ROBO2: variants seen among roughly 807,000 people sequenced by gnomAD.
ROBO2 encodes roundabout guidance receptor 2.
A neutral mutation model predicts 160.8 loss-of-function variants in ROBO2; 53 were observed. The ratio of observed to expected loss-of-function variants is 0.33; its 90% CI spans 0.26 to 0.41. ROBO2 has a LOEUF of 0.41. ROBO2 is among the 10% of genes least tolerant of loss of function. ROBO2 has a pLI of 1.00. For missense variants in ROBO2, 1,577 were observed against 1,722.4 expected, an observed-to-expected ratio of 0.92 and a Z score of 1.49; for synonymous variants, 664 against 611.7, an observed-to-expected ratio of 1.09 and a Z score of -1.26.
chr3:76,291,736 A>G (rs950718293), intron 2 of ROBO2, among the ~76,000 whole-genome samples: 1 of 152,122 alleles, frequency 6.6e-6, no homozygotes, highest in Non-Finnish European at 1.5e-5. Context: ...TTCATTAGTT[A>G]TAAAGAATTT....
rs549728430 is a variant in ROBO2, at chr3:77,027,907, AAAG to A, written c.110-70102_110-70100del. Among the ~76,000 whole-genome samples, 54 of 151,852 alleles carry A rather than the reference AAAG, an allele frequency of 3.6e-4. No individual in the cohort carries two copies. In the East Asian group the frequency reaches 8.7e-3, roughly 25 times the overall value. On this transcript the variant is annotated intron_variant, in intron 2 of 26. Transcript: ENST00000487694. ...AGTGAAGCGGGTAGAAAGAAATTAG[AAAG>A]AAGATTACTCAATAAAAGCTACAAA...
At chr3:76,000,778 T>G (rs1261725225) in intron 2 of ROBO2, among the ~76,000 whole-genome samples, 1 of 152,024 alleles carries the variant, frequency 6.6e-6, no homozygotes, top group Non-Finnish European at 1.5e-5. Context: ...TATTTCAGAT[T>G]TTACTCTAGT....
At chr3:77,343,081 AGAG>A (rs1162519766) in intron 2 of ROBO2, among the ~76,000 whole-genome samples, 4,451 of 135,474 alleles carry the variant, frequency 0.033, 245 homozygotes, top group African/African-American at 0.11. Context: ...AGAGAGAGAG[AGAG>A]AGAACTTTCT....
Position 76,105,711 on chromosome 3 carries a change from A to G in ROBO2, c.109+168109A>G. Among the ~76,000 whole-genome samples the G allele has an allele frequency of 1.3e-5, 2 of 152,070 alleles. 1 individual carries two copies. The highest frequency in any genetic ancestry group is 3.9e-4 in the East Asian group (2 of 5,176). On this transcript the variant is annotated intron_variant, in intron 2 of 26. Coordinates refer to the ROBO2 transcript ENST00000487694. ...ACCTACACGTTCATTAGAAGGAGAGAACACTTGCAGACCTTCCCATGGGGA... is the reference window on the plus strand; with the variant it reads ...ACCTACACGTTCATTAGAAGGAGAGGACACTTGCAGACCTTCCCATGGGGA...
intron 2 of ROBO2, among the ~76,000 whole-genome samples, chr3:77,291,389 A>C (rs1462277383): frequency 6.6e-6 from 1 of 151,942 alleles, no homozygotes; most frequent in Non-Finnish European, 1.5e-5. Context: ...ACATCACCCC[A>C]GACATAAAGT....
rs116669812 is a variant in ROBO2, at chr3:76,065,359, T to A, written c.109+127757T>A. Among the ~76,000 whole-genome samples the A allele has an allele frequency of 7.8e-3, 1,193 of 152,222 alleles. 18 individuals are homozygous for A. Among genetic ancestry groups the A allele is most frequent in the African/African-American group, 0.026 (1,070 of 41,568 alleles). ...GAACAATTTACAATCTCAAGGAAGATGACTACAAAGCAGCTTTTAAAAAAC... is the reference window on the plus strand; with the variant it reads ...GAACAATTTACAATCTCAAGGAAGAAGACTACAAAGCAGCTTTTAAAAAAC... On this transcript the variant is annotated intron_variant, in intron 2 of 26. Transcript: ENST00000487694.
chr3:76,197,954 C>A (rs563887944), intron 2 of ROBO2, among the ~76,000 whole-genome samples: 1 of 152,270 alleles, frequency 6.6e-6, no homozygotes, highest in Non-Finnish European at 1.5e-5. Flanking sequence ...TTCTGCCACT[C>A]CTTTTTGTAC....
intron 2 of ROBO2, among the ~76,000 whole-genome samples, chr3:76,358,347 C>T (rs2075300886): frequency 6.6e-6 from 1 of 152,002 alleles, no homozygotes; most frequent in East Asian, 1.9e-4. Flanking sequence ...AATCTATTTT[C>T]TCTCTTTTCC....
At chr3:76,424,618 T>G (rs796095020) in intron 2 of ROBO2, among the ~76,000 whole-genome samples, 10 of 152,224 alleles carry the variant, frequency 6.6e-5, no homozygotes, top group African/African-American at 2.4e-4. Context: ...TGTTATATAG[T>G]TAAAAATTTG....
chr3:77,490,896 C>T (rs920191214), intron 4 of ROBO2, among the ~76,000 whole-genome samples: 6 of 152,220 alleles, frequency 3.9e-5, no homozygotes, highest in African/African-American at 9.6e-5. Flanking sequence ...TAATTTCTTA[C>T]AAGAACGCTT....
At chr3:77,392,214 T>C (rs1054140334) in intron 2 of ROBO2, among the ~76,000 whole-genome samples, 3 of 152,224 alleles carry the variant, frequency 2.0e-5, no homozygotes, top group African/African-American at 7.2e-5. Flanking sequence ...GTCTACCATG[T>C]ATCCTTAATC....
intron 2 of ROBO2, among the ~76,000 whole-genome samples, chr3:77,340,216 G>A (rs958085033): frequency 2.6e-5 from 4 of 152,042 alleles, no homozygotes; most frequent in Admixed American, 2.0e-4. Context: ...GAATGGTAAC[G>A]AGAATAATAA....
At chr3:77,361,338 A>AT (rs575459257) in intron 2 of ROBO2, among the ~76,000 whole-genome samples, 1 of 151,962 alleles carries the variant, frequency 6.6e-6, no homozygotes, top group Non-Finnish European at 1.5e-5. Context: ...AAATTTCACT[A>AT]TTTTTTTCTT....
intron 2 of ROBO2, among the ~76,000 whole-genome samples, chr3:77,315,318 A>G (rs1384732781): frequency 6.6e-6 from 1 of 152,196 alleles, no homozygotes; most frequent in Non-Finnish European, 1.5e-5. Context: ...CATTGATTTT[A>G]TCTGATCAAT....
At chr3:76,418,313 G>A (rs997279821) in intron 2 of ROBO2, among the ~76,000 whole-genome samples, 5 of 95,050 alleles carry the variant, frequency 5.3e-5, no homozygotes, top group South Asian at 3.2e-4. Context: ...ATGCGATCTC[G>A]GCTCACTACA....
chr3:77,145,146 G>A (rs948119912), intron 2 of ROBO2, among the ~76,000 whole-genome samples: 7 of 152,134 alleles, frequency 4.6e-5, no homozygotes, highest in Admixed American at 1.3e-4. Flanking sequence ...GATACCTGGA[G>A]AGTGACTAGT....
chr3:77,395,579 A>C (rs1409999211), intron 2 of ROBO2, among the ~76,000 whole-genome samples: 1 of 152,212 alleles, frequency 6.6e-6, no homozygotes, highest in Non-Finnish European at 1.5e-5. Context: ...CCTGATATTA[A>C]GTAATTGCTA....
chr3:77,596,134 A>C (rs1339901660), intron 18 of ROBO2, among the ~76,000 whole-genome samples: 2 of 152,156 alleles, frequency 1.3e-5, no homozygotes, highest in East Asian at 3.9e-4. Context: ...GAGCAGTATA[A>C]ATACTGTTCA....
chr3:76,503,996 G>T (rs1272582265), intron 2 of ROBO2, among the ~76,000 whole-genome samples: 1 of 152,122 alleles, frequency 6.6e-6, no homozygotes, highest in Non-Finnish European at 1.5e-5. Context: ...GCTCAGATTT[G>T]CTCTTTCTCG....
Sources: allele counts gnomAD v4.1 joint callset (sites outside exome capture counted in the v4.1 genomes callset), GRCh38; gene constraint gnomAD v4.1.1; transcripts MANE v1.5; gene names NCBI Gene and HGNC (gene_info 2026-07-23, HGNC 2026-07-21).